The following DCUN1D4 variants were observed in gnomAD, a reference collection of about 807,000 sequenced individuals.
The protein encoded by DCUN1D4 is DCN1-like protein 4.
A neutral mutation model predicts 47.9 loss-of-function variants in DCUN1D4; 22 were observed. The ratio of observed to expected loss-of-function variants is 0.46; its 90% CI spans 0.33 to 0.66. The LOEUF (loss-of-function observed/expected upper bound fraction) is 0.66. Ranked by LOEUF, DCUN1D4 falls within the 30% of genes least tolerant of loss-of-function variation. The pLI is 0.02. For synonymous variants in DCUN1D4, 121 were observed against 112.2 expected (o/e 1.08, Z -0.50); for missense variants, 301 against 340.8 (o/e 0.88, Z 0.92).
chr4:51,909,079 C>T, intron 8 of DCUN1D4: 1 of 446,062 alleles, frequency 2.2e-6, no homozygotes. Flanking sequence ...TCATGATCAT[C>T]AGTTTGTCAG....
intron 7 of DCUN1D4, among the ~76,000 whole-genome samples, chr4:51,895,145 A>G (rs917434212): frequency 9.9e-5 from 15 of 152,050 alleles, no homozygotes; most frequent in African/African-American, 3.6e-4. Flanking sequence ...TCAACCTACA[A>G]ATTTCAGGGG....
At chr4:51,876,669 A>G (rs1727743201) in intron 4 of DCUN1D4, among the ~76,000 whole-genome samples, 1 of 152,140 alleles carries the variant, frequency 6.6e-6, no homozygotes, top group Admixed American at 6.5e-5. Flanking sequence ...GAGATGGAAA[A>G]TATACTATTG....
upstream of DCUN1D4, among the ~76,000 whole-genome samples, chr4:51,838,902 C>T (rs368207141): frequency 7.2e-5 from 11 of 152,214 alleles, no homozygotes; most frequent in African/African-American, 1.9e-4. Flanking sequence ...TGGCAAAACC[C>T]CGTCTCTACT....
intron 3 of DCUN1D4, among the ~76,000 whole-genome samples, chr4:51,872,031 T>C (rs1040579877): frequency 2.6e-5 from 4 of 152,146 alleles, no homozygotes; most frequent in African/African-American, 7.2e-5. Context: ...GGAAAGAGCC[T>C]GGTTGGTTCC....
chr4:51,897,521 G>A (rs1474329020), intron 7 of DCUN1D4, among the ~76,000 whole-genome samples: 2 of 152,104 alleles, frequency 1.3e-5, no homozygotes, highest in Non-Finnish European at 2.9e-5. Flanking sequence ...TGGTGAAAAT[G>A]GTGACTCTTG....
intron 8 of DCUN1D4, among the ~76,000 whole-genome samples, chr4:51,901,745 C>G (rs1732154258): frequency 6.6e-6 from 1 of 152,170 alleles, no homozygotes; most frequent in African/African-American, 2.4e-5. Flanking sequence ...TTTTTCCTGG[C>G]AGATTGAGGG....
At chr4:51,879,167 G>C (rs1385718669) in intron 5 of DCUN1D4, among the ~76,000 whole-genome samples, 1 of 152,140 alleles carries the variant, frequency 6.6e-6, no homozygotes, top group Admixed American at 6.5e-5. Flanking sequence ...AGTTTGATCT[G>C]GATTTTGTTT....
chr4:51,834,299 G>A, the DCUN1D4 span, among the ~76,000 whole-genome samples: 1 of 151,306 alleles, frequency 6.6e-6, no homozygotes, highest in South Asian at 2.1e-4. Flanking sequence ...CATGTCTAGG[G>A]TGTCTGAATT....
In DCUN1D4 at chr4:51,913,308, A is replaced by T. The variant is rs1208444203; in HGVS notation, c.739A>T (p.Ile247Phe). The change falls in exon 10 of 11, where the codon ATT (isoleucine) becomes TTT (phenylalanine). Residue 247 changes from isoleucine (I) to phenylalanine (F), a missense_variant. This residue lies in a region of DCUN1D4 where 170 missense variants were observed against 234.5 expected (regional missense o/e 0.73). Transcript: ENST00000334635. ...QFLEQSKYKVINKDQWCNVLE... is the reference protein window; with the variant it reads ...QFLEQSKYKVFNKDQWCNVLE... ...CCATCAGCAATCAAAATACAAAGTT[A>T]TTAATAAAGACCAGTGGTGCAATGT... The T allele has an allele frequency of 6.2e-7, 1 of 1,608,368 alleles. No homozygotes were observed. The highest frequency in any genetic ancestry group is 1.1e-5 in the South Asian group (1 of 90,180).
Position 51,877,745 on chromosome 4 carries a change from T to G in DCUN1D4, c.252-18T>G. 6.5e-7 allele frequency: 1 copy of G among 1,541,980 alleles called. No individual in the cohort carries two copies. The highest frequency in any genetic ancestry group is 1.2e-5 in the South Asian group (1 of 86,538). On this transcript the variant is annotated intron_variant, in intron 4 of 10. Transcript: ENST00000334635. ...TCAGTATCTTTAAATAACTTAAAAC[T>G]GCCTTTTCAATTTCCAGCATGTATA... is the stretch of plus-strand genomic sequence containing the variant.
At chr4:51,868,011 CA>C (rs1726247639) in intron 3 of DCUN1D4, among the ~76,000 whole-genome samples, 1 of 152,260 alleles carries the variant, frequency 6.6e-6, no homozygotes, top group Non-Finnish European at 1.5e-5. Context: ...GCTGAGGTGG[CA>C]GGGGGCTGGT....
At chr4:51,882,851 A>G (rs534984973) in intron 5 of DCUN1D4, among the ~76,000 whole-genome samples, 2 of 152,250 alleles carry the variant, frequency 1.3e-5, no homozygotes, top group African/African-American at 4.8e-5. Flanking sequence ...AGAGAGAGGA[A>G]TTTTAAAAGA....
chr4:51,834,110 T>C, the DCUN1D4 span, among the ~76,000 whole-genome samples: 38 of 127,160 alleles, frequency 3.0e-4, 2 homozygotes, highest in Non-Finnish European at 5.3e-4. Context: ...TTTCTTTTTT[T>C]TTTCTTTTTT....
intron 5 of DCUN1D4, among the ~76,000 whole-genome samples, chr4:51,878,591 C>G (rs540556809): frequency 1.3e-5 from 2 of 152,254 alleles, no homozygotes; most frequent in South Asian, 4.1e-4. Context: ...CTGAGCAGAT[C>G]ATACATACAT....
intron 1 of DCUN1D4, chr4:51,843,585 C>A (rs1441499757): frequency 1.0e-4 from 127 of 1,216,440 alleles, no homozygotes; most frequent in Non-Finnish European, 1.2e-4. Flanking sequence ...GTCCGGGGTG[C>A]ATGGAGGTGG....
intron 1 of DCUN1D4, among the ~76,000 whole-genome samples, chr4:51,863,160 G>A (rs1725343555): frequency 6.6e-6 from 1 of 152,232 alleles, no homozygotes; most frequent in Non-Finnish European, 1.5e-5. Flanking sequence ...TTAAGTTCAA[G>A]TTCACTGCTG....
At chr4:51,898,361 G>T (rs1470996339) in intron 7 of DCUN1D4, among the ~76,000 whole-genome samples, 1 of 152,152 alleles carries the variant, frequency 6.6e-6, no homozygotes, top group African/African-American at 2.4e-5. Context: ...TGTGGCAGGG[G>T]GGCAGACTTA....
In DCUN1D4 at chr4:51,843,263, T is replaced by A. The variant is rs1721877117; in HGVS notation, c.21T>A (p.Ala7=). MHSDAA[A]VNFQLNSHLS... Reference sequence around the variant, plus strand: ...TGAAAATGCACTCGGATGCCGCCGCTGTCAGTGAGTAGCAGAGAGCCAGCC... The same window carrying A: ...TGAAAATGCACTCGGATGCCGCCGCAGTCAGTGAGTAGCAGAGAGCCAGCC... Residue 7 remains alanine, a synonymous_variant, in exon 1 of 11, where the codon GCT becomes GCA. Coordinates refer to ENST00000334635, the MANE Select transcript of DCUN1D4 (RefSeq NM_001040402.3). The A allele has an allele frequency of 1.9e-6, 3 of 1,541,518 alleles. No individual in the cohort carries two copies. The highest frequency in any genetic ancestry group is 2.8e-5 in the African/African-American group (2 of 72,076).
intron 1 of DCUN1D4, chr4:51,848,345 C>G (rs6851073): frequency 0.33 from 416,458 of 1,279,736 alleles, 75,371 homozygotes; most frequent in African/African-American, 0.71. Flanking sequence ...CCTACCTGCA[C>G]AAGGTTAAGG....
Sources: allele counts gnomAD v4.1 joint callset (sites outside exome capture counted in the v4.1 genomes callset), GRCh38; gene constraint gnomAD v4.1.1; regional missense constraint gnomAD v4.1.1; transcripts MANE v1.5; gene names NCBI Gene and HGNC (gene_info 2026-07-23, HGNC 2026-07-21).